GPHN: variants seen among roughly 807,000 people sequenced by gnomAD.
GPHN encodes gephyrin.
Under a neutral mutation model 95.5 loss-of-function variants are expected in GPHN, and 17 were observed. That is an observed-to-expected ratio of 0.18 (90% CI 0.12 to 0.27). GPHN has a LOEUF of 0.27. GPHN is among the 10% of genes least tolerant of loss of function. The pLI, the probability that GPHN is intolerant of heterozygous loss-of-function variation, is 1.00. For missense variants in GPHN, 660 were observed against 978.1 expected (o/e 0.67, Z 4.34); for synonymous variants, 320 against 322.5 (o/e 0.99, Z 0.08).
chr14:67,565,932 C>T, the GPHN span, among the ~76,000 whole-genome samples: 20 of 152,110 alleles, frequency 1.3e-4, no homozygotes, highest in African/African-American at 4.8e-4. Context: ...CCAGCCTGGC[C>T]AACATGGCGA....
At chr14:66,777,006 AG>A (rs1349397088) in intron 3 of GPHN, among the ~76,000 whole-genome samples, 2 of 152,020 alleles carry the variant, frequency 1.3e-5, no homozygotes, top group Admixed American at 6.6e-5. Context: ...CATCTAGCTT[AG>A]GTATATCTCC....
Position 66,834,174 on chromosome 14 carries a change from C to T in GPHN, c.294+9608C>T, listed in dbSNP as rs148065978. Among the ~76,000 whole-genome samples, 455 of 152,206 alleles carry T rather than the reference C, an allele frequency of 3.0e-3. 3 individuals are homozygous for T. The highest frequency in any genetic ancestry group is 0.011 in the African/African-American group (437 of 41,526). On this transcript the variant is annotated intron_variant, in intron 4 of 22. Coordinates refer to ENST00000478722, the MANE Select transcript of GPHN (RefSeq NM_020806.5). Reference sequence around the variant, plus strand: ...TTAATTCCTCCTCTGCATGACATTTCTGATATTTGAAAAGAAATGTTATGT... The same window carrying T: ...TTAATTCCTCCTCTGCATGACATTTTTGATATTTGAAAAGAAATGTTATGT...
At position 67,110,114 on chromosome 14, in the gene GPHN, A is replaced by G. The variant is rs766512903; in HGVS notation, c.1294-26A>G. 2.2e-5 allele frequency: 35 copies of G among 1,609,976 alleles called. No individual in the cohort carries two copies. The Middle Eastern group carries it at 3.5e-3, about 160-fold the overall frequency. ...TCCTTTGCAGCAGCAAAGTACATCA[A>G]CTGTCTTTTTCATCTTTATTTCCAG... On this transcript the variant is annotated intron_variant, in intron 13 of 22. Transcript: ENST00000478722.
intron 19 of GPHN, among the ~76,000 whole-genome samples, chr14:67,164,455 A>C (rs2082155791): frequency 6.6e-6 from 1 of 152,112 alleles, no homozygotes; most frequent in South Asian, 2.1e-4. Context: ...ACTCATTTTG[A>C]ACAATAGGCA....
intron 4 of GPHN, among the ~76,000 whole-genome samples, chr14:66,848,807 C>T (rs902976313): frequency 1.3e-5 from 2 of 151,754 alleles, no homozygotes; most frequent in Non-Finnish European, 1.5e-5. Flanking sequence ...GAAAATATAG[C>T]AAAGCAAAAT....
chr14:66,616,925 C>G (rs1040474620), intron 1 of GPHN, among the ~76,000 whole-genome samples: 1 of 152,188 alleles, frequency 6.6e-6, no homozygotes, highest in Non-Finnish European at 1.5e-5. Flanking sequence ...CCAGAATGGT[C>G]TTGATCTCCT....
chr14:67,583,819 C>T, the GPHN span: 4 of 1,612,986 alleles, frequency 2.5e-6, no homozygotes, highest in African/African-American at 5.3e-5. Flanking sequence ...GCATCTTCTC[C>T]AGCAGGTCCT....
the GPHN span, among the ~76,000 whole-genome samples, chr14:67,234,121 C>T: frequency 1.6e-4 from 25 of 152,196 alleles, no homozygotes; most frequent in African/African-American, 5.8e-4. Flanking sequence ...TAGGAGGTAG[C>T]TACTTTTATT....
intron 1 of GPHN, among the ~76,000 whole-genome samples, chr14:66,629,241 A>ATATTTATATACATATATAAATATGTATAT (rs1566729731): frequency 6.8e-6 from 1 of 146,582 alleles, no homozygotes; most frequent in African/African-American, 2.5e-5. Flanking sequence ...ATATAAATAT[A>ATATTTATATACATATATAAATATGTATAT]AAACACACGT....
downstream of GPHN, among the ~76,000 whole-genome samples, chr14:67,186,042 C>G (rs967525055): frequency 6.6e-6 from 1 of 152,036 alleles, no homozygotes; most frequent in African/African-American, 2.4e-5. Context: ...GGCCTAGAAC[C>G]AAAAAGTTAA....
At chr14:67,461,802 C>T in the GPHN span, among the ~76,000 whole-genome samples, 1 of 152,342 alleles carries the variant, frequency 6.6e-6, no homozygotes, top group East Asian at 1.9e-4. Context: ...CCTGGGAGAA[C>T]AGATTGAGTG....
the GPHN span, among the ~76,000 whole-genome samples, chr14:67,225,696 C>T: frequency 6.6e-6 from 1 of 152,126 alleles, no homozygotes; most frequent in Non-Finnish European, 1.5e-5. Context: ...CTTGTACACA[C>T]CATACACACT....
At chr14:67,488,313 G>A in the GPHN span, among the ~76,000 whole-genome samples, 1 of 152,386 alleles carries the variant, frequency 6.6e-6, no homozygotes, top group South Asian at 2.1e-4. Flanking sequence ...GGCAGCCGAG[G>A]AGAAGTGAAA....
At chr14:67,143,689 G>T (rs547953062) in intron 18 of GPHN, among the ~76,000 whole-genome samples, 3 of 152,124 alleles carry the variant, frequency 2.0e-5, no homozygotes, top group Non-Finnish European at 2.9e-5. Flanking sequence ...TGCTATTCCT[G>T]TGGAAACTTC....
At chr14:67,392,237 C>G in the GPHN span, 39 of 898,504 alleles carry the variant, frequency 4.3e-5, no homozygotes, top group Non-Finnish European at 6.7e-5. Flanking sequence ...CCTCCAGCAG[C>G]CTCAGCCCTT....
At chr14:66,763,015 C>A (rs2058815819) in intron 2 of GPHN, among the ~76,000 whole-genome samples, 1 of 152,046 alleles carries the variant, frequency 6.6e-6, no homozygotes, top group Non-Finnish European at 1.5e-5. Flanking sequence ...AGAATGTCTT[C>A]TATCTTCAAT....
intron 4 of GPHN, among the ~76,000 whole-genome samples, chr14:66,850,210 C>T (rs201269152): frequency 6.6e-6 from 1 of 152,096 alleles, no homozygotes; most frequent in Non-Finnish European, 1.5e-5. Flanking sequence ...TTTTAATACA[C>T]TTAGCTACTA....
intron 2 of GPHN, among the ~76,000 whole-genome samples, chr14:66,746,145 G>A (rs751513358): frequency 6.6e-6 from 1 of 152,044 alleles, no homozygotes; most frequent in Non-Finnish European, 1.5e-5. Flanking sequence ...GTTAATATTT[G>A]TATATAAGTT....
chr14:67,100,860 T>A lies in GPHN; in HGVS notation c.1242T>A (p.Ala414=). Residue 414 remains alanine (A), a synonymous_variant, in exon 13 of 23, where the codon GCT becomes GCA. Transcript: ENST00000478722. ...SVKDGYAVRA[A]DGPGDRFIIG... is the part of the protein sequence containing the mutation. ...TGGCTCTGTTCCATCTCACAGCTGC[T>A]GATGGCCCAGGAGATCGTTTCATCA... 1.2e-6 allele frequency: 2 copies of A among 1,604,400 alleles called. No homozygotes were observed. The highest frequency in any genetic ancestry group is 1.7e-6 in the Non-Finnish European group (2 of 1,171,088).
Sources: gnomAD v4.1 joint callset for allele counts (sites outside exome capture counted in the v4.1 genomes callset) on GRCh38, gnomAD v4.1.1 for gene constraint, MANE v1.5 for transcripts, NCBI Gene and HGNC (gene_info 2026-07-23, HGNC 2026-07-21) for gene names.